The following PLA2G4E variants were observed in gnomAD, a reference collection of about 807,000 sequenced individuals.
PLA2G4E encodes phospholipase A2 group IVE.
A neutral mutation model predicts 109.1 loss-of-function variants in PLA2G4E; 84 were observed. The observed-to-expected ratio is 0.77, with a 90% CI of 0.65 to 0.92. PLA2G4E has a LOEUF of 0.92. Ranked by LOEUF, PLA2G4E falls within the 40% of genes least tolerant of loss-of-function variation. PLA2G4E has a pLI of 0.00. For synonymous variants in PLA2G4E, 469 were observed against 436.1 expected, an observed-to-expected ratio of 1.08 and a Z score of -0.94; for missense variants, 1,057 against 1,076.6, an observed-to-expected ratio of 0.98 and a Z score of 0.25.
At chr15:42,046,974 G>A (rs1306095063) in intron 1 of PLA2G4E, among the ~76,000 whole-genome samples, 2 of 152,208 alleles carry the variant, frequency 1.3e-5, no homozygotes, top group Non-Finnish European at 2.9e-5. Context: ...CAGAAAAGAG[G>A]AAGGCCTGAT....
intron 1 of PLA2G4E, among the ~76,000 whole-genome samples, chr15:42,031,385 A>C (rs1464717940): frequency 6.6e-6 from 1 of 152,202 alleles, no homozygotes; most frequent in Non-Finnish European, 1.5e-5. Flanking sequence ...CCCAGACGTG[A>C]AATGGCTGGG....
At chr15:42,044,744 C>T (rs1408173167) in intron 1 of PLA2G4E, among the ~76,000 whole-genome samples, 24 of 151,448 alleles carry the variant, frequency 1.6e-4, no homozygotes, top group Non-Finnish European at 1.5e-5. Flanking sequence ...TGTAACAAAC[C>T]TGCATGTTGT....
Position 42,006,125 on chromosome 15 carries a change from G to A in PLA2G4E, c.394-4C>T. On this transcript the variant is annotated splice_region_variant and splice_polypyrimidine_tract_variant and intron_variant, in intron 3 of 19. Transcript: ENST00000399518. ...AGACACTCAACTCTAGCACGTTCTA[G>A]GGGAGAAGGAAGGATGCCAGTCTGG... is the stretch of plus-strand genomic sequence containing the variant. 6.2e-7 allele frequency: 1 copy of A among 1,613,520 alleles called. No homozygotes were observed. Among genetic ancestry groups the A allele is most frequent in the Non-Finnish European group, 8.5e-7 (1 of 1,179,576 alleles).
At chr15:42,007,775 G>A (rs1277985445) in exon 3 of PLA2G4E, 1 of 1,612,510 alleles carries the variant, frequency 6.2e-7, no homozygotes, top group Non-Finnish European at 8.5e-7. Flanking sequence ...ATTCCACTCT[G>A]GATTTGGGCA....
chr15:42,020,907 C>G (rs145833919), intron 1 of PLA2G4E, among the ~76,000 whole-genome samples, 28 bp downstream of exon 1: 186 of 152,158 alleles, frequency 1.2e-3, no homozygotes, highest in African/African-American at 4.3e-3. Flanking sequence ...CAGCCTCTGG[C>G]CCCAGCCACT....
At chr15:41,982,809 G>A in exon 20 of PLA2G4E, 1 of 152,244 alleles carries the variant, frequency 6.6e-6, no homozygotes, top group Non-Finnish European at 1.5e-5. Flanking sequence ...ATGATGACAT[G>A]GATCACCAGC....
intron 4 of PLA2G4E, 107 bp from the exon 5 acceptor site, chr15:42,005,085 C>G (rs2068461822): frequency 1.5e-6 from 2 of 1,316,806 alleles, no homozygotes; most frequent in East Asian, 2.5e-5. Flanking sequence ...TCCGTCCTTC[C>G]CCCACAGCTG....
At chr15:41,989,659 G>A (rs1255954204) in intron 14 of PLA2G4E, 107 bp from the exon 15 acceptor site, 20 of 1,421,646 alleles carry the variant, frequency 1.4e-5, no homozygotes, top group Non-Finnish European at 1.8e-5. Flanking sequence ...TGGAAAGCCT[G>A]GGACAGGGAG....
exon 20 of PLA2G4E, chr15:41,983,599 T>A (rs2068092015): frequency 3.0e-6 from 2 of 658,652 alleles, no homozygotes. Flanking sequence ...CTCAACTTTT[T>A]AAAATTTTTT....
intron 1 of PLA2G4E, among the ~76,000 whole-genome samples, chr15:42,025,177 C>T (rs1020940061): frequency 8.0e-6 from 1 of 125,592 alleles, no homozygotes; most frequent in Non-Finnish European, 1.6e-5. Context: ...GCCTGGGAGA[C>T]AGAGTGAAAC....
chr15:41,995,794 C>T (rs1472146782), intron 11 of PLA2G4E, among the ~76,000 whole-genome samples: 1 of 152,204 alleles, frequency 6.6e-6, no homozygotes, highest in East Asian at 1.9e-4. Context: ...TAGTCTAGCC[C>T]TCGGTTAACA....
intron 2 of PLA2G4E, chr15:42,010,184 T>C: frequency 1.9e-6 from 1 of 520,780 alleles, no homozygotes; most frequent in South Asian, 1.4e-5. Context: ...TCCGGTACGC[T>C]GGGAGCCTGC....
chr15:41,990,684 A>T (rs1246316707), intron 13 of PLA2G4E, among the ~76,000 whole-genome samples: 1 of 151,482 alleles, frequency 6.6e-6, no homozygotes, highest in East Asian at 1.9e-4. Flanking sequence ...TTGGGGGAAA[A>T]GAAGTTTCCC....
chr15:42,039,537 G>A (rs758953615), intron 1 of PLA2G4E, among the ~76,000 whole-genome samples: 9 of 150,980 alleles, frequency 6.0e-5, no homozygotes, highest in African/African-American at 1.7e-4. Context: ...GTATGTGTAC[G>A]TATATATATA....
chr15:42,018,898 T>C (rs560777947), intron 1 of PLA2G4E, among the ~76,000 whole-genome samples: 1 of 152,248 alleles, frequency 6.6e-6, no homozygotes, highest in African/African-American at 2.4e-5. Context: ...TTTATAGATA[T>C]GACTTTTGGC....
At chr15:41,993,546 C>T (rs1184164004) in intron 12 of PLA2G4E, among the ~76,000 whole-genome samples, 5 of 152,088 alleles carry the variant, frequency 3.3e-5, no homozygotes, top group Non-Finnish European at 2.9e-5. Flanking sequence ...CCTTTCTCTT[C>T]TTAACTTACA....
chr15:42,000,852 G>C (rs955672448), intron 7 of PLA2G4E, among the ~76,000 whole-genome samples: 1 of 152,208 alleles, frequency 6.6e-6, no homozygotes, highest in Non-Finnish European at 1.5e-5. Flanking sequence ...CACTGACCTA[G>C]GCAATCTGAG....
intron 16 of PLA2G4E, 28 bp from the exon 17 acceptor site, chr15:41,987,403 G>A: frequency 3.8e-6 from 6 of 1,598,186 alleles, no homozygotes; most frequent in Non-Finnish European, 4.3e-6. Context: ...ATGAAGGGCA[G>A]GTCATGAGAG....
chr15:42,033,067 T>C (rs1247048303), intron 1 of PLA2G4E, among the ~76,000 whole-genome samples: 1 of 152,062 alleles, frequency 6.6e-6, no homozygotes, highest in Non-Finnish European at 1.5e-5. Flanking sequence ...GTGTGTTGTA[T>C]GAGTGTGCTG....
Sources: gnomAD v4.1 joint callset for allele counts (sites outside exome capture counted in the v4.1 genomes callset) on GRCh38, gnomAD v4.1.1 for gene constraint, MANE v1.5 for transcripts, NCBI Gene and HGNC (gene_info 2026-07-23, HGNC 2026-07-21) for gene names.